The following SLC12A7 variants were observed in gnomAD, a reference collection of about 807,000 sequenced individuals.
SLC12A7 encodes solute carrier family 12 member 7.
SLC12A7 carries 100 observed loss-of-function variants against 120.6 expected under a neutral mutation model. The ratio of observed to expected loss-of-function variants is 0.83; its 90% CI spans 0.71 to 0.98. SLC12A7 has a LOEUF of 0.98. SLC12A7 is among the 50% of genes least tolerant of loss of function. The probability of loss-of-function intolerance (pLI) is 0.00; values close to 1 mark genes in which losing one functional copy is unlikely to be tolerated. For synonymous variants in SLC12A7, 760 were observed against 678.0 expected, an observed-to-expected ratio of 1.12 and a Z score of -1.88; for missense variants, 1,373 against 1,548.1, an observed-to-expected ratio of 0.89 and a Z score of 1.90.
At chr5:1,104,329 A>T (rs1742301454) in intron 1 of SLC12A7, among the ~76,000 whole-genome samples, 1 of 152,188 alleles carries the variant, frequency 6.6e-6, no homozygotes, top group Non-Finnish European at 1.5e-5. Context: ...TTCAAGGATC[A>T]CTTTAACAAC....
chr5:1,058,196 C>T (rs1026365586), intron 21 of SLC12A7, among the ~76,000 whole-genome samples: 45 of 152,344 alleles, frequency 3.0e-4, no homozygotes, highest in African/African-American at 1.1e-3. Flanking sequence ...TGCGTCACTT[C>T]TGACAATCCG....
intron 2 of SLC12A7, 33 bp from the exon 3 acceptor site, chr5:1,093,688 G>A (rs577599442): frequency 1.6e-5 from 25 of 1,607,086 alleles, no homozygotes; most frequent in South Asian, 3.3e-5. Context: ...CAGGCGGCCC[G>A]CACCTCGCCG....
At chr5:1,058,773 AACCAGAGCCCAAGGGCTGCCCGCTCTC>A (rs1735886543) in intron 21 of SLC12A7, among the ~76,000 whole-genome samples, 1 of 152,176 alleles carries the variant, frequency 6.6e-6, no homozygotes, top group South Asian at 2.1e-4. Flanking sequence ...TTGAACGTGA[AACCAGAGCCCAAGGGCTGCCCGCTCTC>A]GGCAGAGCCA....
chr5:1,127,268 CT>C, the SLC12A7 span, among the ~76,000 whole-genome samples: 2 of 152,244 alleles, frequency 1.3e-5, no homozygotes, highest in African/African-American at 2.4e-5. Context: ...CTGCCTTGGC[CT>C]CCCAAAGTGC....
chr5:1,126,539 G>A, the SLC12A7 span, among the ~76,000 whole-genome samples: 1 of 152,128 alleles, frequency 6.6e-6, no homozygotes, highest in Non-Finnish European at 1.5e-5. Flanking sequence ...TATTACACAA[G>A]TAAATTTGTG....
At chr5:1,109,850 T>A (rs1439257208) in intron 1 of SLC12A7, among the ~76,000 whole-genome samples, 1 of 152,236 alleles carries the variant, frequency 6.6e-6, no homozygotes, top group African/African-American at 2.4e-5. Context: ...CACAGACCGT[T>A]CAGGGGAACG....
intron 22 of SLC12A7, among the ~76,000 whole-genome samples, chr5:1,054,020 C>T (rs992193643): frequency 6.6e-6 from 1 of 152,206 alleles, no homozygotes; most frequent in Non-Finnish European, 1.5e-5. Flanking sequence ...AAGGAAAGGC[C>T]CAGAGTCCCC....
At chr5:1,065,711 G>A (rs979133795) in intron 17 of SLC12A7, among the ~76,000 whole-genome samples, 1 of 152,122 alleles carries the variant, frequency 6.6e-6, no homozygotes, top group African/African-American at 2.4e-5. Flanking sequence ...CTGATGCCAC[G>A]TGCAGGGGAT....
At chr5:1,078,278 T>G (rs1248304499) in intron 11 of SLC12A7, among the ~76,000 whole-genome samples, 1 of 152,022 alleles carries the variant, frequency 6.6e-6, no homozygotes, top group Non-Finnish European at 1.5e-5. Flanking sequence ...TGGCATCAGC[T>G]TCAGTCAGGG....
intron 6 of SLC12A7, 38 bp from the exon 7 acceptor site, chr5:1,085,511 C>A: frequency 6.5e-7 from 1 of 1,542,404 alleles, no homozygotes; most frequent in South Asian, 1.2e-5. Context: ...CGTCCCCGGA[C>A]ACAACTCCCC....
chr5:1,062,014 G>A (rs1424872073), intron 20 of SLC12A7, among the ~76,000 whole-genome samples: 2 of 152,204 alleles, frequency 1.3e-5, no homozygotes, highest in Non-Finnish European at 2.9e-5. Flanking sequence ...GGTGGCACTT[G>A]TCCCTGCGGC....
Position 1,073,727 on chromosome 5 carries a change from G to A in SLC12A7, c.2147C>T (p.Ser716Leu), listed in dbSNP as rs371278849. Residue 716 changes from serine (S) to leucine (L), a missense_variant, in exon 17 of 24, where the codon TCG (serine) becomes TTG (leucine). Ser to Leu is a moderately radical substitution (Grantham distance 145). Coordinates refer to ENST00000264930, the MANE Select transcript of SLC12A7 (RefSeq NM_006598.3). ...VKHPRLLSFT[S>L]QLKAGKGLTI... ...CAGGCCCTTGCCGGCCTTCAGCTGCGACGTGAAGGACAGCAGGCGGGGGTG... is the reference window on the plus strand; with the variant it reads ...CAGGCCCTTGCCGGCCTTCAGCTGCAACGTGAAGGACAGCAGGCGGGGGTG... 84 of 1,575,564 alleles carry A rather than the reference G, an allele frequency of 5.3e-5. No homozygotes were observed. Among genetic ancestry groups the A allele is most frequent in the Middle Eastern group, 1.7e-4 (1 of 5,902 alleles).
intron 17 of SLC12A7, 80 bp downstream of exon 17, chr5:1,073,553 C>A: frequency 6.9e-7 from 1 of 1,452,916 alleles, no homozygotes; most frequent in Non-Finnish European, 9.3e-7. Flanking sequence ...TGACACGCTG[C>A]GATGAGGACA....
the SLC12A7 span, among the ~76,000 whole-genome samples, chr5:1,132,572 G>A: frequency 6.9e-4 from 105 of 152,250 alleles, 1 homozygote; most frequent in Non-Finnish European, 7.4e-5. Flanking sequence ...CACCCGGGCT[G>A]TTTTCTGTCC....
chr5:1,155,655 G>A, the SLC12A7 span, among the ~76,000 whole-genome samples: 1 of 151,168 alleles, frequency 6.6e-6, no homozygotes, highest in Non-Finnish European at 1.5e-5. Flanking sequence ...CGAGGGGACC[G>A]GCACCTGCGC....
chr5:1,087,886 T>C (rs939869071), intron 5 of SLC12A7, among the ~76,000 whole-genome samples: 1 of 152,232 alleles, frequency 6.6e-6, no homozygotes, highest in Non-Finnish European at 1.5e-5. Context: ...GGTTCACTAG[T>C]TATTTAGTTA....
the SLC12A7 span, among the ~76,000 whole-genome samples, chr5:1,136,264 ACTC>A: frequency 0.067 from 10,105 of 149,784 alleles, 670 homozygotes; most frequent in African/African-American, 0.15. Flanking sequence ...AGAAATCACG[ACTC>A]CTCCTGACAC....
At chr5:1,136,611 A>G in the SLC12A7 span, among the ~76,000 whole-genome samples, 1 of 132,930 alleles carries the variant, frequency 7.5e-6, no homozygotes, top group Non-Finnish European at 1.6e-5. Context: ...ACGCAGACAC[A>G]CGTGTGCTCA....
chr5:1,057,811 GC>G (rs2150781042), intron 21 of SLC12A7, among the ~76,000 whole-genome samples, 162 bp from the exon 22 acceptor site: 1 of 152,238 alleles, frequency 6.6e-6, no homozygotes, highest in Non-Finnish European at 1.5e-5. Context: ...GTCCTGCGCC[GC>G]CCCCGTGACT....
Sources: gnomAD v4.1 joint callset for allele counts (sites outside exome capture counted in the v4.1 genomes callset) on GRCh38, gnomAD v4.1.1 for gene constraint, MANE v1.5 for transcripts, NCBI Gene and HGNC (gene_info 2026-07-23, HGNC 2026-07-21) for gene names.